CEP128: variants seen among roughly 807,000 people sequenced by gnomAD.
The protein encoded by CEP128 is centrosomal protein 128kDa.
Under a neutral mutation model 156.7 loss-of-function variants are expected in CEP128, and 132 were observed. The observed-to-expected ratio is 0.84, with a 90% CI of 0.73 to 0.97. CEP128 has a LOEUF of 0.97. Among genes scored for constraint, CEP128 ranks in the 50% least tolerant of loss-of-function variants. The pLI is 0.00. For synonymous variants in CEP128, 469 were observed against 448.9 expected, an observed-to-expected ratio of 1.04 and a Z score of -0.57; for missense variants, 1,252 against 1,281.9, an observed-to-expected ratio of 0.98 and a Z score of 0.36.
chr14:80,918,783 T>A (rs1884697580), intron 2 of CEP128, among the ~76,000 whole-genome samples: 1 of 152,070 alleles, frequency 6.6e-6, no homozygotes, highest in Admixed American at 6.6e-5. Flanking sequence ...AAGGGAAATA[T>A]CAAATAATAA....
chr14:80,496,003 A>G (rs181863871), downstream of CEP128, among the ~76,000 whole-genome samples: 2 of 152,300 alleles, frequency 1.3e-5, no homozygotes, highest in East Asian at 1.9e-4. Context: ...TATCCTCATA[A>G]TGCTCATTAA....
At chr14:80,830,212 G>A (rs1323241938) in intron 13 of CEP128, 3 of 648,202 alleles carry the variant, frequency 4.6e-6, no homozygotes, top group Non-Finnish European at 8.3e-6. Context: ...TTTGTAAAGA[G>A]TATGTCAATA....
chr14:80,811,659 G>A (rs1884540529), intron 13 of CEP128, among the ~76,000 whole-genome samples: 1 of 146,794 alleles, frequency 6.8e-6, no homozygotes. Flanking sequence ...GTGTGTGTAT[G>A]TGTGTGTGTA....
At chr14:80,669,415 T>C (rs1895752503) in intron 19 of CEP128, among the ~76,000 whole-genome samples, 2 of 151,916 alleles carry the variant, frequency 1.3e-5, no homozygotes, top group South Asian at 4.2e-4. Context: ...ACTATGCATC[T>C]GACAAGGGAC....
intron 9 of CEP128, among the ~76,000 whole-genome samples, chr14:80,847,355 A>G (rs1367212670): frequency 6.6e-6 from 1 of 152,248 alleles, no homozygotes; most frequent in East Asian, 1.9e-4. Flanking sequence ...TCTTTTTATC[A>G]GCATGTCGAC....
intron 19 of CEP128, among the ~76,000 whole-genome samples, chr14:80,642,295 A>G (rs540863757): frequency 6.6e-6 from 1 of 152,312 alleles, no homozygotes; most frequent in South Asian, 2.1e-4. Context: ...AGCTTTAGCA[A>G]TAACAAAAAT....
chr14:80,600,783 G>A (rs1055711760), intron 19 of CEP128, among the ~76,000 whole-genome samples: 1 of 151,582 alleles, frequency 6.6e-6, no homozygotes, highest in African/African-American at 2.4e-5. Flanking sequence ...TGATTTACAA[G>A]CCAACTATTT....
At chr14:80,622,409 AT>A (rs2140665025) in intron 19 of CEP128, among the ~76,000 whole-genome samples, 1 of 150,794 alleles carries the variant, frequency 6.6e-6, no homozygotes, top group African/African-American at 2.4e-5. Context: ...CAAGGACTTC[AT>A]GTCTAAAACA....
rs181573096 is a variant in CEP128, at chr14:80,584,017, C to T, written c.2807-3594G>A. On this transcript the variant is annotated intron_variant, in intron 19 of 24. Transcript: ENST00000555265. Reference sequence around the variant, plus strand: ...TATCATCCTGCTCTGTCTAATCATGCTCTCATTTGTACCTCTCAATACTTA... The same window carrying T: ...TATCATCCTGCTCTGTCTAATCATGTTCTCATTTGTACCTCTCAATACTTA... Among the ~76,000 whole-genome samples the T allele has an allele frequency of 2.7e-3, 410 of 152,204 alleles. 2 individuals carry two copies. The highest frequency in any genetic ancestry group is 8.9e-3 in the African/African-American group (371 of 41,518).
chr14:80,510,110 T>C (rs1312056148), intron 23 of CEP128, among the ~76,000 whole-genome samples: 1 of 152,184 alleles, frequency 6.6e-6, no homozygotes, highest in Non-Finnish European at 1.5e-5. Flanking sequence ...ATTCTGGGTC[T>C]TGTGGTTCTA....
chr14:80,521,552 G>A (rs991199489), intron 23 of CEP128, among the ~76,000 whole-genome samples: 1 of 152,142 alleles, frequency 6.6e-6, no homozygotes, highest in Admixed American at 6.5e-5. Flanking sequence ...GGATGAAATT[G>A]ACTAGTTAAA....
intron 21 of CEP128, among the ~76,000 whole-genome samples, chr14:80,540,779 G>A (rs1247573624): frequency 1.3e-5 from 2 of 152,132 alleles, no homozygotes; most frequent in Admixed American, 1.3e-4. Context: ...GGGACTTGCT[G>A]AACAGTAGCA....
chr14:80,942,304 C>T (rs1169848636), upstream of CEP128: 1 of 152,150 alleles, frequency 6.6e-6, no homozygotes, highest in African/African-American at 2.4e-5. Context: ...ATGGCTTATT[C>T]ACGGCACACC....
intron 19 of CEP128, among the ~76,000 whole-genome samples, chr14:80,683,375 A>G (rs1392506205): frequency 6.6e-6 from 1 of 152,186 alleles, no homozygotes; most frequent in East Asian, 1.9e-4. Flanking sequence ...ACAAAGAAGG[A>G]TGGTACATAA....
At chr14:80,481,928 G>C (rs1433045024) in intron 14 of CEP128, among the ~76,000 whole-genome samples, 1 of 152,154 alleles carries the variant, frequency 6.6e-6, no homozygotes, top group East Asian at 1.9e-4. Flanking sequence ...TTATTCTCTA[G>C]CAGTAAAATA....
At chr14:80,636,489 T>C (rs1595128236) in intron 19 of CEP128, among the ~76,000 whole-genome samples, 1 of 152,350 alleles carries the variant, frequency 6.6e-6, no homozygotes, top group East Asian at 1.9e-4. Context: ...CTCCAGGCTT[T>C]GCAGAAACAC....
At chr14:80,842,788 T>TCC (rs529910813) in intron 9 of CEP128, among the ~76,000 whole-genome samples, 4 of 152,114 alleles carry the variant, frequency 2.6e-5, no homozygotes, top group African/African-American at 9.6e-5. Flanking sequence ...TGTTATTTTG[T>TCC]CCTTTAAAGC....
At chr14:80,768,886 C>T (rs1900373280) in intron 16 of CEP128, among the ~76,000 whole-genome samples, 2 of 152,212 alleles carry the variant, frequency 1.3e-5, no homozygotes, top group South Asian at 2.1e-4. Flanking sequence ...ATAATCAGAA[C>T]GTGTTAGGAT....
At chr14:80,712,729 A>G (rs936602476) in intron 19 of CEP128, among the ~76,000 whole-genome samples, 1 of 152,156 alleles carries the variant, frequency 6.6e-6, no homozygotes, top group African/African-American at 2.4e-5. Context: ...GCAGCTGGAG[A>G]TGACAGTAGT....
Sources: allele counts gnomAD v4.1 joint callset (sites outside exome capture counted in the v4.1 genomes callset), GRCh38; gene constraint gnomAD v4.1.1; transcripts MANE v1.5; gene names NCBI Gene and HGNC (gene_info 2026-07-23, HGNC 2026-07-21).